The following TNIK variants were observed in gnomAD, a reference collection of about 807,000 sequenced individuals.
TNIK encodes TRAF2 and NCK-interacting protein kinase.
In TNIK, 49 loss-of-function variants were observed where a neutral mutation model predicts 191.3. The observed-to-expected ratio is 0.26, with a 90% CI of 0.20 to 0.32. The LOEUF is 0.32. Among genes scored for constraint, TNIK ranks in the 10% least tolerant of loss-of-function variants. TNIK has a pLI of 1.00. For synonymous variants in TNIK, 594 were observed against 600.9 expected (o/e 0.99, Z 0.17); for missense variants, 1,155 against 1,702.3 (o/e 0.68, Z 5.66).
chr3:171,403,432 T>C lies in TNIK; in HGVS notation c.58-33747A>G, dbSNP rs534949885. 5.9e-5 allele frequency among the ~76,000 whole-genome samples: 9 copies of C among 151,960 alleles called. No individual in the cohort carries two copies. The South Asian group carries it at 1.9e-3, about 32-fold the overall frequency. On this transcript the variant is annotated intron_variant, in intron 1 of 32. Coordinates refer to ENST00000436636, the MANE Select transcript of TNIK (RefSeq NM_015028.4). ...AAGTTCGAGATCAGCCTGGCTAACA[T>C]GGTGAAACCCCGTCTCTACTAAATA...
chr3:171,320,590 A>T (rs765423984), intron 2 of TNIK, among the ~76,000 whole-genome samples: 1 of 151,762 alleles, frequency 6.6e-6, no homozygotes, highest in Non-Finnish European at 1.5e-5. Flanking sequence ...CATCATCAAG[A>T]TGTCTTTCTC....
At chr3:171,232,245 G>A (rs915311770) in intron 2 of TNIK, among the ~76,000 whole-genome samples, 14 of 152,080 alleles carry the variant, frequency 9.2e-5, no homozygotes, top group African/African-American at 3.4e-4. Flanking sequence ...AGCTACTTGG[G>A]AGGCTGAGGC....
chr3:171,077,090 T>A (rs548363043), intron 28 of TNIK, among the ~76,000 whole-genome samples: 11 of 141,516 alleles, frequency 7.8e-5, no homozygotes, highest in East Asian at 2.5e-4. Flanking sequence ...CCTTTTTTTT[T>A]ATACTTGTTT....
Position 171,374,793 on chromosome 3 carries a change from T to C in TNIK, c.58-5108A>G, listed in dbSNP as rs114234998. Reference sequence around the variant, plus strand: ...ATAAAAATTACAGTAATAGTGAACATTTCATGAGGACTTATGTGTCAGAAA... The same window carrying C: ...ATAAAAATTACAGTAATAGTGAACACTTCATGAGGACTTATGTGTCAGAAA... On this transcript the variant is annotated intron_variant, in intron 1 of 32. Transcript: ENST00000436636. 6.7e-3 allele frequency among the ~76,000 whole-genome samples: 1,014 copies of C among 152,322 alleles called. 6 individuals carry two copies. Among genetic ancestry groups the C allele is most frequent in the African/African-American group, 0.023 (947 of 41,572 alleles).
chr3:171,217,411 T>G lies in TNIK; in HGVS notation c.181-6170A>C, dbSNP rs576499473. ...GGGACTACTAGACTGGGGAGAGAAGTGGACAAGAGTTAAAACTGACTGTTA... is the reference window on the plus strand; with the variant it reads ...GGGACTACTAGACTGGGGAGAGAAGGGGACAAGAGTTAAAACTGACTGTTA... On this transcript the variant is annotated intron_variant, in intron 3 of 32. Coordinates refer to ENST00000436636, the MANE Select transcript of TNIK (RefSeq NM_015028.4). 2.6e-5 allele frequency among the ~76,000 whole-genome samples: 4 copies of G among 152,114 alleles called. No homozygotes were observed. The East Asian group carries it at 7.7e-4, about 29-fold the overall frequency.
chr3:171,113,066 C>T (rs1388483134), intron 18 of TNIK, among the ~76,000 whole-genome samples: 1 of 152,140 alleles, frequency 6.6e-6, no homozygotes, highest in East Asian at 1.9e-4. Flanking sequence ...TCACTCCATA[C>T]AAGGTTTTAT....
chr3:171,186,650 T>C (rs1011367291), intron 7 of TNIK, among the ~76,000 whole-genome samples: 2 of 152,194 alleles, frequency 1.3e-5, no homozygotes, highest in Non-Finnish European at 2.9e-5. Context: ...ACTGACACCA[T>C]TGAACCTATT....
At chr3:171,219,029 A>T (rs1364072485) in intron 3 of TNIK, among the ~76,000 whole-genome samples, 5 of 126,942 alleles carry the variant, frequency 3.9e-5, no homozygotes, top group African/African-American at 1.5e-4. Flanking sequence ...ATATTAGTGT[A>T]TTAATTATAT....
At position 171,060,967 on chromosome 3, in the gene TNIK, A is replaced by T. The variant is rs776081398; in HGVS notation, c.*2914T>A. The stretch of plus-strand genomic sequence containing the variant: ...TCTCTTTGTAGGAAAATAAAAATAA[A>T]ATGAGCCAATTTCTAGAGACAAAAT... On this transcript the variant is annotated 3_prime_UTR_variant, in exon 33 of 33. Transcript: ENST00000436636. Among the ~76,000 whole-genome samples the T allele has an allele frequency of 6.6e-6, 1 of 152,154 alleles. No individual in the cohort carries two copies. Among genetic ancestry groups the T allele is most frequent in the Admixed American group, 6.5e-5 (1 of 15,272 alleles).
chr3:171,283,160 TAA>T (rs3215113), intron 2 of TNIK, among the ~76,000 whole-genome samples: 36 of 141,860 alleles, frequency 2.5e-4, no homozygotes, highest in Non-Finnish European at 3.5e-4. Context: ...ATACCTACTT[TAA>T]AAAAAAAAAA....
intron 1 of TNIK, among the ~76,000 whole-genome samples, chr3:171,378,790 T>C (rs1717618731): frequency 6.6e-6 from 1 of 152,248 alleles, no homozygotes; most frequent in South Asian, 2.1e-4. Context: ...AGACAGGCTC[T>C]ATATACTTAT....
chr3:171,216,504 C>T (rs1741470491), intron 3 of TNIK, among the ~76,000 whole-genome samples: 1 of 152,108 alleles, frequency 6.6e-6, no homozygotes, highest in Non-Finnish European at 1.5e-5. Flanking sequence ...TAGTTAAGAG[C>T]ATGCCTTGAA....
intron 2 of TNIK, among the ~76,000 whole-genome samples, chr3:171,360,325 C>T (rs939747424): frequency 1.3e-5 from 2 of 152,194 alleles, no homozygotes; most frequent in African/African-American, 4.8e-5. Context: ...TAATGTTAGG[C>T]ATTCCGTATA....
At chr3:171,440,551 T>C (rs918905303) in intron 1 of TNIK, among the ~76,000 whole-genome samples, 1 of 152,180 alleles carries the variant, frequency 6.6e-6, no homozygotes, top group Non-Finnish European at 1.5e-5. Context: ...TAGTTACTGA[T>C]ACTGTAGAAA....
intron 19 of TNIK, among the ~76,000 whole-genome samples, chr3:171,109,403 T>C (rs977575600): frequency 1.3e-5 from 2 of 152,246 alleles, no homozygotes; most frequent in African/African-American, 2.4e-5. Context: ...GATGTGCCAC[T>C]AATCAGAAGA....
intron 3 of TNIK, among the ~76,000 whole-genome samples, chr3:171,216,666 T>C (rs1323855654): frequency 2.0e-5 from 3 of 152,176 alleles, no homozygotes; most frequent in Non-Finnish European, 2.9e-5. Flanking sequence ...GTTTATTATA[T>C]GTTAAAATAT....
intron 24 of TNIK, 125 bp downstream of exon 24, chr3:171,087,217 T>C: frequency 1.4e-6 from 2 of 1,380,146 alleles, no homozygotes; most frequent in Non-Finnish European, 2.0e-6. Flanking sequence ...TAAGTAGCTC[T>C]ATGGTAGAAA....
At chr3:171,298,786 A>G (rs901929470) in intron 2 of TNIK, among the ~76,000 whole-genome samples, 17 of 152,368 alleles carry the variant, frequency 1.1e-4, no homozygotes, top group African/African-American at 4.1e-4. Flanking sequence ...TTCCTGCAGC[A>G]CATCTATCCT....
intron 2 of TNIK, among the ~76,000 whole-genome samples, chr3:171,344,136 A>G (rs927622871): frequency 6.6e-6 from 1 of 152,120 alleles, no homozygotes; most frequent in African/African-American, 2.4e-5. Flanking sequence ...ACCCCATCCC[A>G]TATCTTGCCC....
Sources: allele counts gnomAD v4.1 joint callset (sites outside exome capture counted in the v4.1 genomes callset), GRCh38; gene constraint gnomAD v4.1.1; transcripts MANE v1.5; gene names NCBI Gene and HGNC (gene_info 2026-07-23, HGNC 2026-07-21).